Variants in ADGB observed in about 807,000 individuals in gnomAD.
ADGB encodes the protein androglobin, also known as calpain-7-like protein.
ADGB carries 172 observed loss-of-function variants against 210.5 expected under a neutral mutation model. That is an observed-to-expected ratio of 0.82 (90% CI 0.72 to 0.93). The LOEUF is 0.93. Ranked by LOEUF, ADGB falls within the 40% of genes least tolerant of loss-of-function variation. ADGB has a pLI of 0.00. For missense variants in ADGB, 2,025 were observed against 1,964.8 expected, an observed-to-expected ratio of 1.03 and a Z score of -0.58; for synonymous variants, 658 against 662.7, an observed-to-expected ratio of 0.99 and a Z score of 0.11.
chr6:146,713,062 T>C (rs1368384826), intron 13 of ADGB, among the ~76,000 whole-genome samples: 1 of 152,250 alleles, frequency 6.6e-6, no homozygotes, highest in Non-Finnish European at 1.5e-5. Flanking sequence ...TTCTCAGGTT[T>C]CACCCGTGTT....
chr6:146,614,736 TG>T (rs1222890626), intron 1 of ADGB, among the ~76,000 whole-genome samples: 1 of 152,004 alleles, frequency 6.6e-6, no homozygotes, highest in Non-Finnish European at 1.5e-5. Flanking sequence ...TATAAGGAAA[TG>T]AGGTTGAATT....
At chr6:146,677,354 T>C (rs1259712254) in intron 9 of ADGB, among the ~76,000 whole-genome samples, 2 of 152,134 alleles carry the variant, frequency 1.3e-5, no homozygotes, top group Non-Finnish European at 2.9e-5. Context: ...TAGTCAAAAA[T>C]ATGTGTTTTT....
chr6:146,681,088 C>A (rs1331628599), intron 9 of ADGB, among the ~76,000 whole-genome samples: 2 of 152,112 alleles, frequency 1.3e-5, no homozygotes, highest in Non-Finnish European at 2.9e-5. Context: ...TATTTAACAA[C>A]AAAAGTCCAG....
intron 8 of ADGB, among the ~76,000 whole-genome samples, chr6:146,673,980 G>A (rs189399212): frequency 4.1e-4 from 63 of 152,286 alleles, no homozygotes; most frequent in Admixed American, 3.1e-3. Flanking sequence ...ACAAAATGAC[G>A]AGCTGCTGAA....
At chr6:146,715,696 T>C (rs1213984528) in intron 14 of ADGB, among the ~76,000 whole-genome samples, 1 of 152,152 alleles carries the variant, frequency 6.6e-6, no homozygotes, top group African/African-American at 2.4e-5. Flanking sequence ...CACTGCAAAT[T>C]CCTTAGTTCC....
chr6:146,623,734 T>A (rs1780933462), intron 1 of ADGB, among the ~76,000 whole-genome samples: 1 of 151,954 alleles, frequency 6.6e-6, no homozygotes, highest in South Asian at 2.1e-4. Context: ...TCTGTAGATG[T>A]CATTTATCAG....
At chr6:146,784,240 C>G (rs974927571) in intron 30 of ADGB, among the ~76,000 whole-genome samples, 3 of 152,148 alleles carry the variant, frequency 2.0e-5, no homozygotes, top group African/African-American at 7.2e-5. Context: ...ATTAGTTTTG[C>G]CTAAATTGCT....
intron 22 of ADGB, 136 bp from the exon 23 acceptor site, chr6:146,736,362 G>A (rs1583614349): frequency 3.6e-6 from 2 of 560,084 alleles, no homozygotes; most frequent in East Asian, 6.0e-5. Context: ...TGAGTTTTCT[G>A]CTAATGAAGC....
intron 29 of ADGB, among the ~76,000 whole-genome samples, chr6:146,781,171 C>CAAAAAAAAA (rs71031009): frequency 1.2e-3 from 105 of 90,320 alleles, no homozygotes; most frequent in East Asian, 2.0e-3. Flanking sequence ...ACTAAAAATA[C>CAAAAAAAAA]AAAAAAAAAA....
At chr6:146,652,461 G>A (rs1775716122) in intron 3 of ADGB, among the ~76,000 whole-genome samples, 1 of 152,050 alleles carries the variant, frequency 6.6e-6, no homozygotes, top group Admixed American at 6.6e-5. Flanking sequence ...GTATAGATGA[G>A]TGAAAGTAAT....
At chr6:146,634,014 A>G (rs1781101436) in intron 1 of ADGB, among the ~76,000 whole-genome samples, 1 of 152,040 alleles carries the variant, frequency 6.6e-6, no homozygotes, top group Non-Finnish European at 1.5e-5. Context: ...TGCAAGCTCC[A>G]CTCATGGTAA....
intron 12 of ADGB, among the ~76,000 whole-genome samples, chr6:146,699,481 T>C (rs1015275291): frequency 1.6e-4 from 24 of 152,162 alleles, no homozygotes; most frequent in Non-Finnish European, 3.2e-4. Flanking sequence ...CACTTTCTTC[T>C]GCCCAGGCAG....
Position 146,764,124 on chromosome 6 carries a change from T to C in ADGB, c.3750+24T>C, listed in dbSNP as rs150543578. 1.5e-4 allele frequency: 220 copies of C among 1,506,594 alleles called. 1 individual carries two copies. In the African/African-American group the frequency reaches 2.7e-3, roughly 19 times the overall value. The allele number at this position is 1,506,594 out of a possible 1,614,324, so 93.3% of individuals were successfully genotyped here. A position where few individuals can be genotyped will look rare whatever the true frequency, so the allele number is the denominator to read the frequency against. The stretch of plus-strand genomic sequence containing the variant: ...AGGTATATTAAAAACAATTGTTCAA[T>C]TGGACTGTTCCTAAAACCCTAACAT... On this transcript the variant is annotated intron_variant, in intron 28 of 35. Transcript: ENST00000397944.
At chr6:146,637,485 A>C (rs77509457) in intron 2 of ADGB, among the ~76,000 whole-genome samples, 2,825 of 152,162 alleles carry the variant, frequency 0.019, 45 homozygotes, top group Middle Eastern at 0.041. Context: ...AGGCAAAATA[A>C]AAAACGATTT....
chr6:146,630,507 A>T (rs944686416), intron 1 of ADGB, among the ~76,000 whole-genome samples: 14 of 152,164 alleles, frequency 9.2e-5, no homozygotes, highest in African/African-American at 3.4e-4. Context: ...CAGGACTTAG[A>T]GGCCAGCCTG....
At chr6:146,779,826 T>G (rs1272926500) in intron 29 of ADGB, among the ~76,000 whole-genome samples, 1 of 149,680 alleles carries the variant, frequency 6.7e-6, no homozygotes, top group Admixed American at 6.7e-5. Flanking sequence ...AAAACAAACT[T>G]GCCCTACAAA....
chr6:146,645,865 G>T (rs1331627763), intron 3 of ADGB, among the ~76,000 whole-genome samples: 1 of 151,718 alleles, frequency 6.6e-6, no homozygotes, highest in Non-Finnish European at 1.5e-5. Flanking sequence ...AAAATAAATA[G>T]AATATATATG....
chr6:146,679,918 T>A (rs1776135067), intron 9 of ADGB, among the ~76,000 whole-genome samples: 1 of 152,166 alleles, frequency 6.6e-6, no homozygotes. Flanking sequence ...GCCAGTAACT[T>A]ATTAACTATA....
intron 1 of ADGB, among the ~76,000 whole-genome samples, chr6:146,603,447 A>G (rs1776018193): frequency 6.6e-6 from 1 of 152,230 alleles, no homozygotes; most frequent in Admixed American, 6.5e-5. Context: ...ATACACTAAA[A>G]TACTTGGAAC....
Sources: allele counts gnomAD v4.1 joint callset (sites outside exome capture counted in the v4.1 genomes callset), GRCh38; gene constraint gnomAD v4.1.1; transcripts MANE v1.5; gene names NCBI Gene and HGNC (gene_info 2026-07-23, HGNC 2026-07-21).